Variants in MYRIP observed in about 807,000 individuals in gnomAD.
MYRIP encodes the protein myosin VIIA and Rab interacting protein.
Under a neutral mutation model 98.0 loss-of-function variants are expected in MYRIP, and 49 were observed. That is an observed-to-expected ratio of 0.50 (90% CI 0.40 to 0.63). MYRIP has a LOEUF of 0.63. Ranked by LOEUF, MYRIP falls within the 30% of genes least tolerant of loss-of-function variation. The pLI is 0.00. For missense variants in MYRIP, 1,004 were observed against 1,058.2 expected (o/e 0.95, Z 0.71); for synonymous variants, 404 against 409.5 (o/e 0.99, Z 0.16).
At chr3:39,945,476 CAAA>C (rs67748992) in intron 2 of MYRIP, among the ~76,000 whole-genome samples, 2 of 65,208 alleles carry the variant, frequency 3.1e-5, no homozygotes, top group Non-Finnish European at 2.8e-5. Flanking sequence ...GACTCCATCT[CAAA>C]AAAAAAAAAA....
Position 40,162,806 on chromosome 3 carries a change from A to T in MYRIP, c.546A>T (p.Ser182=), listed in dbSNP as rs980828162. The T allele has an allele frequency of 6.2e-7, 1 of 1,613,778 alleles. No individual in the cohort carries two copies. The highest frequency in any genetic ancestry group is 8.5e-7 in the Non-Finnish European group (1 of 1,179,792). ...SGSDSTFYRQ[S]EGHSVMDTLA... ...GTGATTCAACATTTTATAGGCAGTC[A>T]GAAGGTAAAGTTGCTTAAGAGTTTA... Residue 182 remains serine, a synonymous_variant, in exon 5 of 17, where the codon TCA becomes TCT. Coordinates refer to ENST00000302541, the MANE Select transcript of MYRIP (RefSeq NM_015460.4).
chr3:39,928,650 C>A (rs1263750366), intron 2 of MYRIP, among the ~76,000 whole-genome samples: 8 of 147,528 alleles, frequency 5.4e-5, no homozygotes, highest in Middle Eastern at 3.4e-3. Flanking sequence ...AAAAAATTAT[C>A]AAAAAAAAAA....
intron 3 of MYRIP, among the ~76,000 whole-genome samples, chr3:40,123,203 A>G (rs1021039758): frequency 6.6e-6 from 1 of 152,240 alleles, no homozygotes; most frequent in African/African-American, 2.4e-5. Flanking sequence ...ATCTTCTAAA[A>G]TGGATTCATA....
Position 40,092,021 on chromosome 3 carries a change from G to A in MYRIP, c.332+47750G>A, listed in dbSNP as rs1261907614. On this transcript the variant is annotated intron_variant, in intron 3 of 16. Transcript: ENST00000302541. ...ACATTTCACAAGCTATAAATTGCTT[G>A]TCAGAAGCTCTGTAAGCCTTGAAAT... is the stretch of plus-strand genomic sequence containing the variant. Among the ~76,000 whole-genome samples the A allele has an allele frequency of 2.0e-5, 3 of 152,190 alleles. No homozygotes were observed. In the East Asian group the frequency reaches 5.8e-4, roughly 29 times the overall value.
At position 39,895,914 on chromosome 3, in the gene MYRIP, G is replaced by A. The variant is rs980139286; in HGVS notation, c.-30-4873G>A. On this transcript the variant is annotated intron_variant, in intron 1 of 16. Transcript: ENST00000302541. ...CTGAGAAAAACTCGTGTGTGTGTGT[G>A]TGGTGTGTGTGTGTGTGTGTGTGCG... is the stretch of plus-strand genomic sequence containing the variant. 7.3e-5 allele frequency among the ~76,000 whole-genome samples: 8 copies of A among 108,960 alleles called. No individual in the cohort carries two copies. In the East Asian group the frequency reaches 1.9e-3, roughly 25 times the overall value. 71.5% of individuals were successfully genotyped at this position (108,960 alleles called of 152,430 possible).
intron 2 of MYRIP, among the ~76,000 whole-genome samples, chr3:39,970,885 CT>C (rs1945564050): frequency 1.3e-5 from 2 of 151,958 alleles, no homozygotes; most frequent in African/African-American, 4.8e-5. Context: ...CTCATATGTT[CT>C]TAGTTGAAAC....
intron 3 of MYRIP, among the ~76,000 whole-genome samples, chr3:40,113,624 T>C (rs746508701): frequency 6.6e-6 from 1 of 152,168 alleles, no homozygotes; most frequent in Non-Finnish European, 1.5e-5. Context: ...GGCCCAAAGA[T>C]TGAAATGTTA....
At chr3:40,061,800 G>T (rs1948023121) in intron 3 of MYRIP, among the ~76,000 whole-genome samples, 2 of 152,118 alleles carry the variant, frequency 1.3e-5, no homozygotes, top group African/African-American at 4.8e-5. Flanking sequence ...ATTCTGACTG[G>T]TGTCAGATGG....
intron 2 of MYRIP, among the ~76,000 whole-genome samples, chr3:40,040,726 A>G (rs1295639377): frequency 4.9e-5 from 3 of 61,124 alleles, no homozygotes; most frequent in African/African-American, 1.6e-4. Context: ...AACTATCGCA[A>G]GAACAAAAAA....
At chr3:40,022,126 A>G (rs536838516) in intron 2 of MYRIP, among the ~76,000 whole-genome samples, 1 of 152,300 alleles carries the variant, frequency 6.6e-6, no homozygotes, top group East Asian at 1.9e-4. Context: ...GCTTTATCAT[A>G]ATCTCTTGCC....
chr3:40,250,761 C>T (rs1005229703), intron 15 of MYRIP, among the ~76,000 whole-genome samples: 4 of 152,250 alleles, frequency 2.6e-5, no homozygotes, highest in Non-Finnish European at 1.5e-5. Context: ...ATACAGGGTA[C>T]TTGAATTAGG....
chr3:39,862,722 A>C (rs980981208), intron 1 of MYRIP, among the ~76,000 whole-genome samples: 2 of 152,224 alleles, frequency 1.3e-5, no homozygotes, highest in African/African-American at 4.8e-5. Context: ...TGACTGTGTT[A>C]GGTCATCAAG....
chr3:39,979,807 T>G (rs963978579), intron 2 of MYRIP, among the ~76,000 whole-genome samples: 3 of 152,168 alleles, frequency 2.0e-5, no homozygotes, highest in African/African-American at 7.2e-5. Flanking sequence ...GATTATATTT[T>G]CAAATAAACA....
At chr3:39,857,298 C>T (rs920709777) in intron 1 of MYRIP, among the ~76,000 whole-genome samples, 4 of 116,922 alleles carry the variant, frequency 3.4e-5, no homozygotes, top group Non-Finnish European at 7.2e-5. Context: ...TATCTATGAA[C>T]CGATTGACAA....
chr3:40,146,728 T>C (rs1950019678), intron 3 of MYRIP, among the ~76,000 whole-genome samples: 2 of 152,160 alleles, frequency 1.3e-5, no homozygotes, highest in African/African-American at 4.8e-5. Flanking sequence ...CACACACACA[T>C]GCATGCACAC....
At chr3:40,162,874 A>T in intron 5 of MYRIP, 64 bp downstream of exon 5, 1 of 1,432,260 alleles carries the variant, frequency 7.0e-7, no homozygotes, top group Non-Finnish European at 9.8e-7. Context: ...CTACAGGTAC[A>T]GGTACTGCCA....
intron 2 of MYRIP, among the ~76,000 whole-genome samples, chr3:39,902,094 A>G (rs1426560982): frequency 1.3e-5 from 2 of 152,168 alleles, no homozygotes; most frequent in South Asian, 2.1e-4. Flanking sequence ...GTTTTTTGGC[A>G]TAGGAAACTG....
rs1322507671 is a variant in MYRIP at position 40,011,184 on chromosome 3, C to A, written c.111-32866C>A. Among the ~76,000 whole-genome samples the A allele has an allele frequency of 3.9e-5, 6 of 152,138 alleles. No individual in the cohort carries two copies. The East Asian group carries it at 1.2e-3, about 29-fold the overall frequency. On this transcript the variant is annotated intron_variant, in intron 2 of 16. Transcript: ENST00000302541. ...GGTGACCCTCCTTGCTGAATGAGCT[C>A]CCTCTAAGCATCCTATGCCCCACAC...
intron 2 of MYRIP, among the ~76,000 whole-genome samples, chr3:39,992,013 G>A (rs778165755): frequency 5.3e-5 from 8 of 152,152 alleles, no homozygotes; most frequent in African/African-American, 1.4e-4. Flanking sequence ...TTCCTCCAGT[G>A]TAGAAGTGCA....
Sources: gnomAD v4.1 joint callset for allele counts (sites outside exome capture counted in the v4.1 genomes callset) on GRCh38, gnomAD v4.1.1 for gene constraint, MANE v1.5 for transcripts, NCBI Gene and HGNC (gene_info 2026-07-23, HGNC 2026-07-21) for gene names.